Variants in GSTA2 observed in about 807,000 individuals in gnomAD.
GSTA2 encodes the protein glutathione S-transferase A2.
A neutral mutation model predicts 22.4 loss-of-function variants in GSTA2; 27 were observed. The ratio of observed to expected loss-of-function variants is 1.21; its 90% CI spans 0.89 to 1.67. GSTA2 has a LOEUF of 1.67. Ranked by LOEUF, GSTA2 falls within the 40% of genes most tolerant of loss-of-function variation. The pLI, the probability that GSTA2 is intolerant of heterozygous loss-of-function variation, is 0.00. For synonymous variants in GSTA2, 121 were observed against 86.8 expected (o/e 1.39, Z -2.19); for missense variants, 302 against 260.2 (o/e 1.16, Z -1.11).
In GSTA2 at chr6:52,751,638, T is replaced by G. The variant is rs755595440; in HGVS notation, c.485A>C (p.Glu162Ala). The G allele has an allele frequency of 1.1e-5, 18 of 1,614,134 alleles. No individual in the cohort carries two copies. The highest frequency in any genetic ancestry group is 1.4e-5 in the Non-Finnish European group (17 of 1,179,996). Residue 162 changes from glutamate (E) to alanine (A), a missense_variant, in exon 6 of 7, where the codon GAA (glutamate) becomes GCA (alanine). Glu to Ala is a moderately radical substitution (Grantham distance 107). Coordinates refer to ENST00000493422, the MANE Select transcript of GSTA2 (RefSeq NM_000846.5). Reference protein sequence around the residue: ...KLSRADIHLVELLYYVEELDS... With the variant: ...KLSRADIHLVALLYYVEELDS... ...AAGCTCTTCCACGTAGTAGAGAAGT[T>G]CCACCAGGTGAATGTCAGCCCGGCT...
At chr6:52,758,674 A>G (rs1394932928) in intron 1 of GSTA2, among the ~76,000 whole-genome samples, 6 of 152,202 alleles carry the variant, frequency 3.9e-5, no homozygotes, top group Admixed American at 3.9e-4. Context: ...TGTAGCTAGA[A>G]GATCCAAATT....
chr6:52,762,589 C>G (rs1217600375), intron 1 of GSTA2, among the ~76,000 whole-genome samples: 3 of 152,206 alleles, frequency 2.0e-5, no homozygotes, highest in Non-Finnish European at 4.4e-5. Context: ...TGCCACATCC[C>G]CCTCTCTGAG....
At chr6:52,757,029 T>G (rs531585942) in intron 2 of GSTA2, among the ~76,000 whole-genome samples, 2,145 of 134,078 alleles carry the variant, frequency 0.016, 66 homozygotes, top group African/African-American at 0.057. Flanking sequence ...TTTCTCTGCA[T>G]CCTCATAGAC....
At position 52,763,387 on chromosome 6, in the gene GSTA2, G is replaced by A. The variant is rs191820579; in HGVS notation, c.-31+57C>T. The A allele has an allele frequency of 6.7e-5, 12 of 177,880 alleles. 1 individual carries two copies. The East Asian group carries it at 1.2e-3, about 17-fold the overall frequency. The allele number at this position is 177,880 out of a possible 1,614,324, so 11.0% of individuals were successfully genotyped here. On this transcript the variant is annotated intron_variant, in intron 1 of 6. Transcript: ENST00000493422. ...GACACATATTAGTGTATTTTTCTAG[G>A]AGGCTAGAGAGGAGGGTGTGAGGCA...
At chr6:52,760,978 G>T (rs539071601) in intron 1 of GSTA2, among the ~76,000 whole-genome samples, 1 of 152,108 alleles carries the variant, frequency 6.6e-6, no homozygotes, top group African/African-American at 2.4e-5. Context: ...AAGGAGTTAC[G>T]TCTCTGAGGT....
At chr6:52,752,426 T>C (rs530405263) in intron 5 of GSTA2, among the ~76,000 whole-genome samples, 1 of 152,266 alleles carries the variant, frequency 6.6e-6, no homozygotes, top group South Asian at 2.1e-4. Flanking sequence ...AACACTGCAA[T>C]ATTCTCTGGT....
chr6:52,754,498 T>C (rs1340986064), intron 4 of GSTA2, among the ~76,000 whole-genome samples: 1 of 152,162 alleles, frequency 6.6e-6, no homozygotes, highest in Non-Finnish European at 1.5e-5. Context: ...GTAATTTAGG[T>C]TCCTGTTCAT....
intron 2 of GSTA2, among the ~76,000 whole-genome samples, chr6:52,757,400 TA>T (rs1224028500): frequency 7.0e-6 from 1 of 143,526 alleles, no homozygotes; most frequent in African/African-American, 2.6e-5. Flanking sequence ...TCTCCTCTTG[TA>T]ATAATTCCAA....
intron 5 of GSTA2, among the ~76,000 whole-genome samples, chr6:52,752,034 C>T (rs1357666052): frequency 6.6e-6 from 1 of 152,220 alleles, no homozygotes; most frequent in Non-Finnish European, 1.5e-5. Flanking sequence ...CCAGGCCCTG[C>T]AGTGTGGAGC....
chr6:52,760,157 G>T (rs1258845915), intron 1 of GSTA2, among the ~76,000 whole-genome samples: 1 of 152,160 alleles, frequency 6.6e-6, no homozygotes, highest in East Asian at 1.9e-4. Context: ...ACATGAAAGC[G>T]TAGGGTGTGC....
chr6:52,755,065 C>A lies in GSTA2; in HGVS notation c.150G>T (p.Leu50Phe). 1.2e-6 allele frequency: 2 copies of A among 1,613,628 alleles called. No homozygotes were observed. The highest frequency in any genetic ancestry group is 1.7e-6 in the Non-Finnish European group (2 of 1,179,950). ...DLDKLRNDGY[L>F]MFQQVPMVEI... ...CAACCATTGGCACTTGCTGGAACAT[C>A]AAATATCCATCTTTAAGAGGAAGAA... The change falls in exon 4 of 7, where the codon TTG becomes TTT. Residue 50 changes from leucine (L) to phenylalanine (F), a missense_variant. Physicochemically the swap from Leu to Phe is conservative, Grantham distance 22. Transcript: ENST00000493422.
rs148814107 is a variant in GSTA2, at chr6:52,754,975, G to T, written c.240C>A (p.Asn80Lys). 9 of 1,614,034 alleles carry T rather than the reference G, an allele frequency of 5.6e-6. No homozygotes were observed. The East Asian group carries it at 1.8e-4, about 32-fold the overall frequency. Residue 80 changes from asparagine (N) to lysine (K), a missense_variant, in exon 4 of 7, where the codon AAC becomes AAA. By Grantham distance (94) the Asn-to-Lys change is moderately conservative. Transcript: ENST00000493422. ...AILNYIASKY[N>K]LYGKDIKEKA... The stretch of plus-strand genomic sequence containing the variant: ...TCTCCTTTATGTCTTTCCCATAGAG[G>T]TTGTATTTGCTGGCAATGTAGTTGA...
intron 4 of GSTA2, 34 bp from the exon 5 acceptor site, chr6:52,753,029 C>G (rs558518583): frequency 6.4e-7 from 1 of 1,565,226 alleles, no homozygotes; most frequent in Non-Finnish European, 8.6e-7. Context: ...GGTCAAATAT[C>G]TTTTGCCTTA....
At chr6:52,759,680 G>T (rs1430619197) in intron 1 of GSTA2, among the ~76,000 whole-genome samples, 1 of 132,464 alleles carries the variant, frequency 7.5e-6, no homozygotes, top group Admixed American at 9.5e-5. Flanking sequence ...AGCTTCCCAG[G>T]TTCAAGTGAT....
chr6:52,751,855 T>C (rs769674053), intron 5 of GSTA2, 147 bp from the exon 6 acceptor site: 43 of 1,152,884 alleles, frequency 3.7e-5, no homozygotes, highest in Non-Finnish European at 5.2e-5. Context: ...CCACATTATC[T>C]GAATGAATGA....
chr6:52,759,982 C>A (rs982279029), intron 1 of GSTA2, among the ~76,000 whole-genome samples: 3 of 152,118 alleles, frequency 2.0e-5, no homozygotes, highest in East Asian at 1.9e-4. Flanking sequence ...ATAGTTTAAC[C>A]TTTGGAAAGT....
intron 1 of GSTA2, among the ~76,000 whole-genome samples, chr6:52,759,602 G>A (rs80137470): frequency 0.1 from 1,274 of 12,674 alleles, 41 homozygotes; most frequent in East Asian, 0.24. Flanking sequence ...TTTTTTTTTT[G>A]AGACAGAGTT....
chr6:52,753,182 G>C (rs1313832424), intron 4 of GSTA2, among the ~76,000 whole-genome samples, 187 bp from the exon 5 acceptor site: 1 of 151,012 alleles, frequency 6.6e-6, no homozygotes, highest in Non-Finnish European at 1.5e-5. Flanking sequence ...GAGTTTTACA[G>C]GTATATTAAC....
intron 5 of GSTA2, 81 bp downstream of exon 5, chr6:52,752,773 A>G: frequency 6.4e-7 from 1 of 1,558,008 alleles, no homozygotes; most frequent in Non-Finnish European, 8.8e-7. Flanking sequence ...AGTGAAGATC[A>G]GTGCCCCAGG....
Sources: allele counts gnomAD v4.1 joint callset (sites outside exome capture counted in the v4.1 genomes callset), GRCh38; gene constraint gnomAD v4.1.1; transcripts MANE v1.5; gene names NCBI Gene and HGNC (gene_info 2026-07-23, HGNC 2026-07-21).